HLCS: variants seen among roughly 807,000 people sequenced by gnomAD.
HLCS encodes biotin--protein ligase.
In HLCS, 53 loss-of-function variants were observed where a neutral mutation model predicts 75.0. The observed-to-expected ratio is 0.71, with a 90% CI of 0.57 to 0.89. The LOEUF (loss-of-function observed/expected upper bound fraction) is 0.89. HLCS is among the 40% of genes least tolerant of loss of function. The pLI, the probability that HLCS is intolerant of heterozygous loss-of-function variation, is 0.00. For missense variants in HLCS, 966 were observed against 1,074.0 expected (o/e 0.90, Z 1.41); for synonymous variants, 431 against 428.6 (o/e 1.01, Z -0.07).
intron 1 of HLCS, among the ~76,000 whole-genome samples, chr21:36,983,056 C>T (rs1159862432): frequency 6.6e-6 from 1 of 151,532 alleles, no homozygotes; most frequent in Non-Finnish European, 1.5e-5. Flanking sequence ...AAAACAAAAA[C>T]AAAAAAACTC....
chr21:36,836,793 T>A (rs2062428240), intron 6 of HLCS, among the ~76,000 whole-genome samples: 1 of 152,176 alleles, frequency 6.6e-6, no homozygotes. Flanking sequence ...TCAGGGAATT[T>A]TTTTTAAGGC....
At chr21:36,859,351 A>G (rs2063308757) in intron 6 of HLCS, among the ~76,000 whole-genome samples, 2 of 152,082 alleles carry the variant, frequency 1.3e-5, no homozygotes, top group South Asian at 4.1e-4. Flanking sequence ...TTGTCCTGGC[A>G]TTCTTCCTTT....
At chr21:36,855,661 C>G (rs1311599867) in intron 6 of HLCS, among the ~76,000 whole-genome samples, 1 of 151,874 alleles carries the variant, frequency 6.6e-6, no homozygotes, top group African/African-American at 2.4e-5. Context: ...ACTGCAACCT[C>G]TGCCTCCCAG....
intron 6 of HLCS, among the ~76,000 whole-genome samples, chr21:36,884,783 G>A (rs1204112629): frequency 6.6e-6 from 1 of 152,204 alleles, no homozygotes; most frequent in Admixed American, 6.5e-5. Context: ...AAGCAATTCT[G>A]CAGAGTAATA....
At chr21:36,945,166 T>C (rs981700285) in intron 2 of HLCS, among the ~76,000 whole-genome samples, 1 of 152,126 alleles carries the variant, frequency 6.6e-6, no homozygotes, top group African/African-American at 2.4e-5. Context: ...AATCCTTCCA[T>C]GAATAAGTTC....
At chr21:36,939,759 G>C (rs2067058260) in intron 2 of HLCS, among the ~76,000 whole-genome samples, 1 of 152,182 alleles carries the variant, frequency 6.6e-6, no homozygotes, top group African/African-American at 2.4e-5. Context: ...CAGCCTGTGA[G>C]GTGAAGAGCC....
chr21:36,785,136 G>C (rs1037621803), intron 6 of HLCS, among the ~76,000 whole-genome samples: 1 of 151,942 alleles, frequency 6.6e-6, no homozygotes, highest in African/African-American at 2.4e-5. Flanking sequence ...TCACCACCCT[G>C]ACGCCCTGTG....
At chr21:36,889,957 AAGGG>A (rs979822378) in intron 6 of HLCS, among the ~76,000 whole-genome samples, 2 of 152,168 alleles carry the variant, frequency 1.3e-5, no homozygotes, top group African/African-American at 4.8e-5. Context: ...CCCAGGTGCC[AAGGG>A]AGAGACTGGG....
intron 6 of HLCS, among the ~76,000 whole-genome samples, chr21:36,848,929 C>T (rs866541691): frequency 9.9e-5 from 15 of 152,218 alleles, no homozygotes; most frequent in Middle Eastern, 6.8e-3. Context: ...TTGGCAGACA[C>T]CGGCTCAATG....
chr21:36,817,075 G>C (rs966773637), intron 6 of HLCS, among the ~76,000 whole-genome samples: 2 of 152,206 alleles, frequency 1.3e-5, no homozygotes, highest in Admixed American at 6.5e-5. Context: ...TCAGAGCGAA[G>C]AGTAAGCGTT....
intron 6 of HLCS, among the ~76,000 whole-genome samples, chr21:36,867,407 C>T (rs1405660045): frequency 6.6e-6 from 1 of 152,196 alleles, no homozygotes; most frequent in Non-Finnish European, 1.5e-5. Flanking sequence ...GCAGCAAACA[C>T]AGATCAAAAT....
intron 6 of HLCS, among the ~76,000 whole-genome samples, chr21:36,895,610 T>C (rs979944605): frequency 1.3e-5 from 2 of 152,166 alleles, no homozygotes; most frequent in Non-Finnish European, 2.9e-5. Flanking sequence ...ATACTAACAC[T>C]GTCATTCTGA....
intron 2 of HLCS, 65 bp downstream of exon 2, chr21:36,961,971 A>AAAAAAAAG (rs2068317801): frequency 9.2e-7 from 1 of 1,091,512 alleles, no homozygotes; most frequent in Non-Finnish European, 1.2e-6. Context: ...AAAAAAAAAA[A>AAAAAAAAG]GCAAATTTGG....
At chr21:36,984,405 C>G (rs570538232) in intron 1 of HLCS, among the ~76,000 whole-genome samples, 1 of 152,212 alleles carries the variant, frequency 6.6e-6, no homozygotes, top group East Asian at 1.9e-4. Flanking sequence ...GACTAGAACA[C>G]AAGCACTGTG....
intron 10 of HLCS, 85 bp from the exon 11 acceptor site, chr21:36,754,502 A>C: frequency 7.0e-7 from 1 of 1,432,628 alleles, no homozygotes; most frequent in East Asian, 2.4e-5. Context: ...CCATGATGAG[A>C]GAGCTGGGCG....
chr21:36,984,827 C>T (rs1380499434), intron 1 of HLCS, among the ~76,000 whole-genome samples: 1 of 151,742 alleles, frequency 6.6e-6, no homozygotes, highest in African/African-American at 2.4e-5. Context: ...ACAAATAAAT[C>T]TTATGAAATG....
In HLCS at chr21:36,778,489, G is replaced by T. The variant is rs1365632126; in HGVS notation, c.1893-11204C>A. Among the ~76,000 whole-genome samples, 6 of 151,378 alleles carry T rather than the reference G, an allele frequency of 4.0e-5. No homozygotes were observed. The South Asian group carries it at 8.4e-4, about 21-fold the overall frequency. On this transcript the variant is annotated intron_variant, in intron 6 of 10. Transcript: ENST00000674895. ...AGACAGGGTTTCTCCATGTTGACCA[G>T]GCTGGTCTCTAACTCCCGACCTCAG...
chr21:36,931,283 C>CAA lies in HLCS; in HGVS notation c.1438-852_1438-851dup, dbSNP rs57829948. Among the ~76,000 whole-genome samples, 283 of 75,258 alleles carry CAA rather than the reference C, an allele frequency of 3.8e-3. 3 individuals are homozygous for CAA. The highest frequency in any genetic ancestry group is 1.0e-2 in the East Asian group (26 of 2,612). 49.4% of individuals were successfully genotyped at this position (75,258 alleles called of 152,430 possible). A position where few individuals can be genotyped will look rare whatever the true frequency, so the allele number is the denominator to read the frequency against. ...GGGCAACAAGAGTGAAACTCCATCG[C>CAA]AAAAAAAAAAAAAAAAAAAAAAAAA... On this transcript the variant is annotated intron_variant, in intron 4 of 10. Transcript: ENST00000674895.
intron 1 of HLCS, among the ~76,000 whole-genome samples, chr21:36,965,283 GA>G (rs1373972674): frequency 2.0e-5 from 3 of 152,148 alleles, no homozygotes; most frequent in Admixed American, 1.3e-4. Flanking sequence ...CAATATTCCA[GA>G]AAACAGAGGA....
Sources: gnomAD v4.1 joint callset for allele counts (sites outside exome capture counted in the v4.1 genomes callset) on GRCh38, gnomAD v4.1.1 for gene constraint, MANE v1.5 for transcripts, NCBI Gene and HGNC (gene_info 2026-07-23, HGNC 2026-07-21) for gene names.